Variants in NRP1 observed in about 807,000 individuals in gnomAD.
NRP1 encodes the protein neuropilin-1.
In NRP1, 35 loss-of-function variants were observed where a neutral mutation model predicts 106.7. That is an observed-to-expected ratio of 0.33 (90% CI 0.25 to 0.43). NRP1 has a LOEUF of 0.43. Among genes scored for constraint, NRP1 ranks in the 20% least tolerant of loss-of-function variants. The pLI is 1.00. For missense variants in NRP1, 1,024 were observed against 1,170.4 expected (o/e 0.87, Z 1.83); for synonymous variants, 437 against 417.9 (o/e 1.05, Z -0.56).
intron 6 of NRP1, among the ~76,000 whole-genome samples, chr10:33,245,846 C>T (rs1841380506): frequency 6.6e-6 from 1 of 152,154 alleles, no homozygotes; most frequent in South Asian, 2.1e-4. Context: ...CAAATAGACA[C>T]TGGCATCAAA....
chr10:33,262,264 C>T (rs1274759372), intron 4 of NRP1, among the ~76,000 whole-genome samples: 3 of 152,070 alleles, frequency 2.0e-5, no homozygotes, highest in Non-Finnish European at 2.9e-5. Context: ...GGATATTATC[C>T]CCCTCTGTTC....
At chr10:33,230,982 C>CT in intron 6 of NRP1, among the ~76,000 whole-genome samples, 1 of 152,148 alleles carries the variant, frequency 6.6e-6, no homozygotes, top group Admixed American at 6.6e-5. Context: ...TTCAATCTAC[C>CT]TTTTTAGCCT....
intron 2 of NRP1, among the ~76,000 whole-genome samples, chr10:33,320,580 T>C (rs1449039343): frequency 6.6e-6 from 1 of 152,138 alleles, no homozygotes; most frequent in East Asian, 1.9e-4. Context: ...GTTATTGAAA[T>C]TGCCCCTTTC....
intron 2 of NRP1, among the ~76,000 whole-genome samples, chr10:33,280,233 A>G (rs1844016870): frequency 6.6e-6 from 1 of 152,232 alleles, no homozygotes. Flanking sequence ...ACCACCCTTC[A>G]CATGGGAAAA....
intron 12 of NRP1, among the ~76,000 whole-genome samples, chr10:33,196,199 T>C (rs139745205): frequency 3.7e-4 from 57 of 152,226 alleles, no homozygotes; most frequent in African/African-American, 1.3e-3. Flanking sequence ...CCCCCTTTCA[T>C]AGTCAAGGAG....
chr10:33,281,785 C>T (rs1168796068), intron 2 of NRP1, among the ~76,000 whole-genome samples: 2 of 151,978 alleles, frequency 1.3e-5, no homozygotes, highest in South Asian at 2.1e-4. Context: ...TGTAGGTGTT[C>T]GATGGTCCCT....
chr10:33,192,512 G>T, intron 12 of NRP1, 94 bp from the exon 13 acceptor site: 1 of 1,318,870 alleles, frequency 7.6e-7, no homozygotes, highest in Non-Finnish European at 1.1e-6. Flanking sequence ...CTCATGGAAA[G>T]CACGATTTAT....
At chr10:33,187,543 A>G (rs1412397364) in intron 13 of NRP1, among the ~76,000 whole-genome samples, 1 of 152,148 alleles carries the variant, frequency 6.6e-6, no homozygotes, top group East Asian at 1.9e-4. Flanking sequence ...AGAACGTGCC[A>G]TTTTGGCAAC....
At chr10:33,240,092 G>A (rs150466850) in intron 6 of NRP1, among the ~76,000 whole-genome samples, 123 of 152,286 alleles carry the variant, frequency 8.1e-4, no homozygotes, top group Non-Finnish European at 1.2e-3. Context: ...CATGGTCTCT[G>A]AGAAGCAGCC....
intron 8 of NRP1, among the ~76,000 whole-genome samples, chr10:33,216,142 T>C (rs1224671437): frequency 6.8e-6 from 1 of 147,438 alleles, no homozygotes; most frequent in African/African-American, 2.5e-5. Flanking sequence ...CTTTCTTTCT[T>C]TTTTTTTTTT....
intron 12 of NRP1, 48 bp downstream of exon 12, chr10:33,197,602 A>G (rs746614844): frequency 2.7e-6 from 4 of 1,472,736 alleles, no homozygotes; most frequent in Admixed American, 1.8e-5. Context: ...AGCCGCGGAG[A>G]GAAGAGAGGT....
At chr10:33,293,954 T>A (rs1159642395) in intron 2 of NRP1, among the ~76,000 whole-genome samples, 6 of 152,212 alleles carry the variant, frequency 3.9e-5, no homozygotes, top group Admixed American at 1.3e-4. Context: ...AGAATTAACC[T>A]CAGGACAACC....
chr10:33,221,917 A>C (rs954344920), intron 7 of NRP1, 54 bp from the exon 8 acceptor site: 8 of 1,557,998 alleles, frequency 5.1e-6, no homozygotes, highest in Non-Finnish European at 7.0e-6. Context: ...ATTTAAATCC[A>C]TAAATGTGTT....
intron 2 of NRP1, among the ~76,000 whole-genome samples, chr10:33,321,991 C>T (rs879552391): frequency 9.9e-5 from 15 of 152,172 alleles, no homozygotes; most frequent in Admixed American, 9.8e-4. Context: ...TCCTAGGAAC[C>T]CAGTGCCTGA....
rs1270883008 is a variant in NRP1 at position 33,330,375 on chromosome 10, C to T, written c.248+333G>A. On this transcript the variant is annotated intron_variant, in intron 2 of 16. Transcript: ENST00000374867. ...AAATACAAGTGAGATTTTTGAGTTT[C>T]TAGTTCTTCCCCTCTCCAGGAAAAA... Among the ~76,000 whole-genome samples, 6 of 149,576 alleles carry T rather than the reference C, an allele frequency of 4.0e-5. No homozygotes were observed. In the East Asian group the frequency reaches 9.8e-4, roughly 24 times the overall value.
intron 6 of NRP1, among the ~76,000 whole-genome samples, chr10:33,245,140 C>T (rs1005399405): frequency 8.5e-5 from 13 of 152,122 alleles, no homozygotes; most frequent in African/African-American, 2.9e-4. Flanking sequence ...TACAAGCAGT[C>T]AAGAAGTGAT....
intron 9 of NRP1, chr10:33,213,125 C>A (rs1324875150): frequency 1.1e-6 from 1 of 939,804 alleles, no homozygotes; most frequent in Non-Finnish European, 1.6e-6. Flanking sequence ...CGTCTCCTGT[C>A]TGCATGTTGA....
At chr10:33,237,262 T>C (rs548084349) in intron 6 of NRP1, among the ~76,000 whole-genome samples, 56 of 152,232 alleles carry the variant, frequency 3.7e-4, no homozygotes, top group Admixed American at 8.5e-4. Flanking sequence ...GTAATGATGT[T>C]ATGAGACTGA....
At chr10:33,230,595 ATATGTG>A (rs1217237484) in intron 6 of NRP1, among the ~76,000 whole-genome samples, 1,825 of 116,762 alleles carry the variant, frequency 0.016, 30 homozygotes, top group Non-Finnish European at 0.017. Flanking sequence ...AGTTTCTCAT[ATATGTG>A]TGTGTGTGTG....
Sources: allele counts gnomAD v4.1 joint callset (sites outside exome capture counted in the v4.1 genomes callset), GRCh38; gene constraint gnomAD v4.1.1; transcripts MANE v1.5; gene names NCBI Gene and HGNC (gene_info 2026-07-23, HGNC 2026-07-21).